FNDC3B: variants seen among roughly 807,000 people sequenced by gnomAD.
FNDC3B encodes fibronectin type III domain-containing protein 3B.
Under a neutral mutation model 151.5 loss-of-function variants are expected in FNDC3B, and 12 were observed. That is an observed-to-expected ratio of 0.08 (90% CI 0.05 to 0.13). The LOEUF (loss-of-function observed/expected upper bound fraction) is 0.13, where lower values mean the gene tolerates loss of function less well. FNDC3B is among the 10% of genes least tolerant of loss of function. The pLI is 1.00. For synonymous variants in FNDC3B, 528 were observed against 549.0 expected, an observed-to-expected ratio of 0.96 and a Z score of 0.54; for missense variants, 1,214 against 1,505.3, an observed-to-expected ratio of 0.81 and a Z score of 3.20.
chr3:172,063,507 G>A (rs1223743793), intron 1 of FNDC3B, among the ~76,000 whole-genome samples: 1 of 152,132 alleles, frequency 6.6e-6, no homozygotes, highest in Non-Finnish European at 1.5e-5. Context: ...TTCCTGTGAC[G>A]AGGAATCTGC....
At chr3:172,058,462 T>C (rs1267761785) in intron 1 of FNDC3B, among the ~76,000 whole-genome samples, 1 of 152,054 alleles carries the variant, frequency 6.6e-6, no homozygotes, top group Non-Finnish European at 1.5e-5. Flanking sequence ...TCTTTTTTTT[T>C]TTTTTGTAGC....
At chr3:172,051,904 G>A (rs1716671898) in intron 1 of FNDC3B, among the ~76,000 whole-genome samples, 1 of 151,984 alleles carries the variant, frequency 6.6e-6, no homozygotes, top group Admixed American at 6.5e-5. Flanking sequence ...TGGAAAATTC[G>A]AACAAAAAGC....
At chr3:172,232,724 A>T (rs912612944) in intron 4 of FNDC3B, among the ~76,000 whole-genome samples, 3 of 150,054 alleles carry the variant, frequency 2.0e-5, no homozygotes, top group African/African-American at 7.3e-5. Flanking sequence ...ATGTAAAAGC[A>T]CTTGTGAGTG....
At chr3:172,060,685 C>A (rs1717156154) in intron 1 of FNDC3B, among the ~76,000 whole-genome samples, 1 of 152,198 alleles carries the variant, frequency 6.6e-6, no homozygotes, top group East Asian at 1.9e-4. Context: ...CAGAGACCGA[C>A]ACTTTCCTCT....
intron 11 of FNDC3B, among the ~76,000 whole-genome samples, chr3:172,324,155 A>G (rs1398002918): frequency 1.3e-5 from 2 of 151,992 alleles, no homozygotes; most frequent in African/African-American, 2.4e-5. Context: ...ATAATACCCA[A>G]TGTATTTTTG....
rs563526726 is a variant in FNDC3B at position 172,196,408 on chromosome 3, A to G, written c.188-30463A>G. Reference sequence around the variant, plus strand: ...TGCTCTGTTGCCTAGGCTGGTCTCAAACTCTTGGCCTGAAGGATCCTCCTG... The same window carrying G: ...TGCTCTGTTGCCTAGGCTGGTCTCAGACTCTTGGCCTGAAGGATCCTCCTG... On this transcript the variant is annotated intron_variant, in intron 3 of 25. Transcript: ENST00000415807. Among the ~76,000 whole-genome samples the G allele has an allele frequency of 6.6e-5, 10 of 152,130 alleles. No homozygotes were observed. The South Asian group carries it at 1.2e-3, about 19-fold the overall frequency.
intron 2 of FNDC3B, among the ~76,000 whole-genome samples, chr3:172,127,771 T>G (rs1036831603): frequency 6.6e-6 from 1 of 152,240 alleles, no homozygotes; most frequent in Non-Finnish European, 1.5e-5. Context: ...GTTCAAGCGA[T>G]TCTCATGCCT....
intron 3 of FNDC3B, among the ~76,000 whole-genome samples, chr3:172,195,162 C>A (rs1220844499): frequency 6.6e-6 from 1 of 152,146 alleles, no homozygotes; most frequent in Non-Finnish European, 1.5e-5. Flanking sequence ...TTACTAGTTA[C>A]AAGGATCTAT....
At chr3:172,118,445 A>G (rs1720371237) in intron 2 of FNDC3B, among the ~76,000 whole-genome samples, 1 of 152,386 alleles carries the variant, frequency 6.6e-6, no homozygotes, top group African/African-American at 2.4e-5. Context: ...CCCAACAGAA[A>G]GGAAGTTTTG....
At chr3:172,395,328 T>C (rs1014110526) in intron 25 of FNDC3B, among the ~76,000 whole-genome samples, 3 of 152,242 alleles carry the variant, frequency 2.0e-5, no homozygotes, top group African/African-American at 7.2e-5. Flanking sequence ...TTTTGAGGAT[T>C]GGTTTCATTT....
At chr3:172,175,989 C>T (rs952190204) in intron 3 of FNDC3B, among the ~76,000 whole-genome samples, 15 of 152,162 alleles carry the variant, frequency 9.9e-5, no homozygotes, top group African/African-American at 3.4e-4. Flanking sequence ...TAAATTTACC[C>T]CATCAGGTGA....
chr3:172,347,490 A>T, intron 21 of FNDC3B, 129 bp downstream of exon 21: 1 of 586,364 alleles, frequency 1.7e-6, no homozygotes, highest in South Asian at 4.8e-5. Flanking sequence ...GAGTCCATTT[A>T]AATAAAAATA....
At chr3:172,334,907 A>G (rs1267104494) in intron 14 of FNDC3B, 37 bp from the exon 15 acceptor site, 4 of 1,593,124 alleles carry the variant, frequency 2.5e-6, no homozygotes, top group Non-Finnish European at 3.4e-6. Context: ...ATCCCTGATA[A>G]CTAAATCATG....
chr3:172,261,569 G>A (rs1406326413), intron 6 of FNDC3B, among the ~76,000 whole-genome samples: 3 of 152,132 alleles, frequency 2.0e-5, no homozygotes, highest in Non-Finnish European at 2.9e-5. Flanking sequence ...TGTAGCAGAC[G>A]CTATTACCGT....
chr3:172,077,676 T>G (rs1718079269), intron 1 of FNDC3B, among the ~76,000 whole-genome samples: 1 of 152,170 alleles, frequency 6.6e-6, no homozygotes, highest in Non-Finnish European at 1.5e-5. Context: ...AATTCTTTTC[T>G]GTGGTCTCAT....
chr3:172,151,783 C>T (rs1174502440), intron 3 of FNDC3B, among the ~76,000 whole-genome samples: 1 of 152,150 alleles, frequency 6.6e-6, no homozygotes, highest in African/African-American at 2.4e-5. Context: ...ATAACAGGTC[C>T]TTGAGTTGCG....
At chr3:172,050,367 G>A (rs1716580375) in intron 1 of FNDC3B, among the ~76,000 whole-genome samples, 1 of 151,192 alleles carries the variant, frequency 6.6e-6, no homozygotes, top group Non-Finnish European at 1.5e-5. Flanking sequence ...ATGTGTACAT[G>A]TACTCTCTGT....
intron 1 of FNDC3B, among the ~76,000 whole-genome samples, chr3:172,066,555 T>G (rs1312963141): frequency 6.6e-6 from 1 of 152,232 alleles, no homozygotes; most frequent in Admixed American, 6.5e-5. Flanking sequence ...CATTTTCCTC[T>G]GGGAAACTCA....
intron 3 of FNDC3B, among the ~76,000 whole-genome samples, chr3:172,216,330 A>G: frequency 6.6e-6 from 1 of 152,190 alleles, no homozygotes; most frequent in East Asian, 1.9e-4. Flanking sequence ...ACCTGACATT[A>G]AAGATCAAAA....
Sources: allele counts gnomAD v4.1 joint callset (sites outside exome capture counted in the v4.1 genomes callset), GRCh38; gene constraint gnomAD v4.1.1; transcripts MANE v1.5; gene names NCBI Gene and HGNC (gene_info 2026-07-23, HGNC 2026-07-21).